The following PKHD1 variants were observed in gnomAD, a reference collection of about 807,000 sequenced individuals.
PKHD1 encodes the protein PKHD1 ciliary IPT domain containing fibrocystin/polyductin, also known as fibrocystin.
Under a neutral mutation model 412.0 loss-of-function variants are expected in PKHD1, and 291 were observed. That is an observed-to-expected ratio of 0.71 (90% CI 0.64 to 0.78). The LOEUF (loss-of-function observed/expected upper bound fraction) is 0.78. Ranked by LOEUF, PKHD1 falls within the 30% of genes least tolerant of loss-of-function variation. PKHD1 has a pLI of 0.00. For synonymous variants in PKHD1, 1,777 were observed against 1,821.5 expected (o/e 0.98, Z 0.62); for missense variants, 4,825 against 4,950.7 (o/e 0.97, Z 0.76).
At chr6:51,809,248 G>C (rs1764313431) in intron 52 of PKHD1, among the ~76,000 whole-genome samples, 1 of 151,990 alleles carries the variant, frequency 6.6e-6, no homozygotes, top group African/African-American at 2.4e-5. Context: ...CATGACTTGG[G>C]AACACAACAG....
At chr6:51,887,286 TATG>T (rs755759785) in intron 43 of PKHD1, 41 bp from the exon 44 acceptor site, 1 of 1,228,688 alleles carries the variant, frequency 8.1e-7, no homozygotes, top group South Asian at 1.2e-5. Context: ...TTACCCCATG[TATG>T]ATAAGGTTGC....
chr6:52,055,543 A>G, intron 19 of PKHD1, 44 bp downstream of exon 19: 2 of 1,608,288 alleles, frequency 1.2e-6, no homozygotes, highest in Non-Finnish European at 1.7e-6. Flanking sequence ...GAGCAATACC[A>G]ATACCTACCC....
chr6:51,903,562 A>C, intron 43 of PKHD1, 35 bp downstream of exon 43: 2 of 1,597,344 alleles, frequency 1.3e-6, no homozygotes, highest in Non-Finnish European at 1.7e-6. Flanking sequence ...ATGCCCTCTC[A>C]GTTCTGGTCT....
rs1245323677 is a variant in PKHD1, at chr6:52,053,057, G to C, written c.2140+19C>G. ...AGGCATGTGACCGGCTTGTGGAGGAGAGAGAATTTGATGATTACCTGTTAC... is the reference window on the plus strand; with the variant it reads ...AGGCATGTGACCGGCTTGTGGAGGACAGAGAATTTGATGATTACCTGTTAC... On this transcript the variant is annotated intron_variant, in intron 21 of 66. Transcript: ENST00000371117. 1.9e-6 allele frequency: 3 copies of C among 1,611,912 alleles called. No individual in the cohort carries two copies. The highest frequency in any genetic ancestry group is 1.7e-5 in the Admixed American group (1 of 59,966).
chr6:51,736,430 C>A (rs948075146), intron 60 of PKHD1, among the ~76,000 whole-genome samples: 1 of 152,086 alleles, frequency 6.6e-6, no homozygotes, highest in East Asian at 1.9e-4. Flanking sequence ...TGGGTCTGAA[C>A]GATGTACCAC....
chr6:51,987,413 C>A (rs1796352165), intron 35 of PKHD1, among the ~76,000 whole-genome samples: 1 of 152,122 alleles, frequency 6.6e-6, no homozygotes, highest in South Asian at 2.1e-4. Context: ...TTCACAATGA[C>A]CTTCCAAGAG....
intron 52 of PKHD1, among the ~76,000 whole-genome samples, chr6:51,804,172 T>G (rs927859): frequency 0.61 from 91,172 of 150,378 alleles, 28,590 homozygotes; most frequent in East Asian, 0.83. Flanking sequence ...CCATCTCTGA[T>G]AAACTACTGA....
intron 61 of PKHD1, among the ~76,000 whole-genome samples, chr6:51,653,718 C>A (rs1281884393): frequency 2.0e-5 from 3 of 152,094 alleles, no homozygotes. Context: ...CAGGGGACAA[C>A]TACACCTCTT....
At chr6:51,886,990 C>T in intron 44 of PKHD1, 143 bp downstream of exon 44, 2 of 696,456 alleles carry the variant, frequency 2.9e-6, no homozygotes, top group Non-Finnish European at 5.3e-6. Context: ...GTCAATTATA[C>T]CTCAAAAAAG....
intron 60 of PKHD1, among the ~76,000 whole-genome samples, chr6:51,737,889 T>C (rs1056648590): frequency 1.3e-5 from 2 of 152,184 alleles, no homozygotes; most frequent in Non-Finnish European, 2.9e-5. Flanking sequence ...CATAAAAAAA[T>C]ATTGGCAGGA....
intron 49 of PKHD1, among the ~76,000 whole-genome samples, chr6:51,852,957 A>T (rs1772579616): frequency 6.6e-6 from 1 of 152,038 alleles, no homozygotes; most frequent in Admixed American, 6.6e-5. Context: ...TCATCTTGAT[A>T]TAATTTAGTT....
chr6:51,781,637 A>G (rs1389182264), intron 53 of PKHD1, among the ~76,000 whole-genome samples: 1 of 152,154 alleles, frequency 6.6e-6, no homozygotes, highest in Non-Finnish European at 1.5e-5. Flanking sequence ...GTCCATGCTA[A>G]TAGTATATGG....
At chr6:52,082,573 A>G (rs756375157) in intron 3 of PKHD1, 31 bp from the exon 4 acceptor site, 2 of 1,611,742 alleles carry the variant, frequency 1.2e-6, no homozygotes, top group Admixed American at 1.7e-5. Context: ...CTCAGGCTGC[A>G]TAGAATTGTC....
Position 52,025,513 on chromosome 6 carries a change from T to C in PKHD1, c.4297A>G (p.Ile1433Val), listed in dbSNP as rs1166830057. 5 of 1,613,656 alleles carry C rather than the reference T, an allele frequency of 3.1e-6. No homozygotes were observed. The highest frequency in any genetic ancestry group is 1.6e-4 in the Middle Eastern group (1 of 6,084). Residue 1433 changes from isoleucine to valine, a missense_variant, in exon 32 of 67, where the codon ATT (isoleucine) becomes GTT (valine). Physicochemically the swap from Ile to Val is conservative, Grantham distance 29. Coordinates refer to ENST00000371117, the MANE Select transcript of PKHD1 (RefSeq NM_138694.4). ...VDLSGPFTCV[I>V]LSLGDHTILC... ...ATGGTGTGGTCTCCCAAACTCAAAATCACACAAGTAAAAGGACCCGAGAGG... is the reference window on the plus strand; with the variant it reads ...ATGGTGTGGTCTCCCAAACTCAAAACCACACAAGTAAAAGGACCCGAGAGG...
chr6:51,794,598 C>T (rs1399866084), intron 52 of PKHD1, among the ~76,000 whole-genome samples: 1 of 152,080 alleles, frequency 6.6e-6, no homozygotes, highest in Admixed American at 6.6e-5. Context: ...TTCACCTGTG[C>T]CTTTGTCCTG....
chr6:51,776,377 G>A (rs1024908311), intron 53 of PKHD1, among the ~76,000 whole-genome samples: 4 of 152,004 alleles, frequency 2.6e-5, no homozygotes, highest in African/African-American at 9.7e-5. Flanking sequence ...GTATCTGAAT[G>A]AAGAGATATG....
chr6:51,724,155 CT>C (rs1211523714), intron 60 of PKHD1, among the ~76,000 whole-genome samples: 3 of 152,134 alleles, frequency 2.0e-5, no homozygotes, highest in African/African-American at 7.2e-5. Flanking sequence ...AAAAGATTAC[CT>C]GAGAGACTGT....
In PKHD1 at chr6:51,619,153, T is replaced by C. The variant is rs747016526; in HGVS notation, c.12153A>G (p.Lys4051=). ...SGSLGLSQEK[K]ASCGATEAFC... ...ATGCCTCAGTGGCCCCGCAGGAGGC[T>C]TTCTTCTCTTGGGAAAGCCCCAAGC... Residue 4051 remains lysine (K), a synonymous_variant, in exon 67 of 67, where the codon AAA becomes AAG. Transcript: ENST00000371117. 1 of 1,614,256 alleles carries C rather than the reference T, an allele frequency of 6.2e-7. No individual in the cohort carries two copies. The highest frequency in any genetic ancestry group is 2.2e-5 in the East Asian group (1 of 44,884).
intron 38 of PKHD1, among the ~76,000 whole-genome samples, 185 bp from the exon 39 acceptor site, chr6:51,912,141 C>G (rs537498385): frequency 1.3e-5 from 2 of 152,144 alleles, no homozygotes; most frequent in African/African-American, 4.8e-5. Flanking sequence ...GATCATTGCC[C>G]CAAACATTTG....
Sources: gnomAD v4.1 joint callset for allele counts (sites outside exome capture counted in the v4.1 genomes callset) on GRCh38, gnomAD v4.1.1 for gene constraint, MANE v1.5 for transcripts, NCBI Gene and HGNC (gene_info 2026-07-23, HGNC 2026-07-21) for gene names.